SHC3: variants seen among roughly 807,000 people sequenced by gnomAD.
SHC3 encodes the protein SHC-transforming protein 3.
Under a neutral mutation model 60.4 loss-of-function variants are expected in SHC3, and 15 were observed. The observed-to-expected ratio is 0.25, with a 90% CI of 0.17 to 0.38. SHC3 has a LOEUF of 0.38. Among genes scored for constraint, SHC3 ranks in the 10% least tolerant of loss-of-function variants. The pLI is 1.00. For missense variants in SHC3, 677 were observed against 786.1 expected (o/e 0.86, Z 1.66); for synonymous variants, 294 against 325.9 (o/e 0.90, Z 1.05).
Position 89,167,432 on chromosome 9 carries a change from C to T in SHC3, c.474+10555G>A, listed in dbSNP as rs187646595. Reference sequence around the variant, plus strand: ...CCAAGGAAGGGGAGAGGCGGGCTGACCAAGCAAGGGGTACCATGATCCCAT... The same window carrying T: ...CCAAGGAAGGGGAGAGGCGGGCTGATCAAGCAAGGGGTACCATGATCCCAT... On this transcript the variant is annotated intron_variant, in intron 1 of 11. Coordinates refer to ENST00000375835, the MANE Select transcript of SHC3 (RefSeq NM_016848.6). 4.6e-5 allele frequency among the ~76,000 whole-genome samples: 7 copies of T among 152,248 alleles called. No individual in the cohort carries two copies. In the East Asian group the frequency reaches 1.4e-3, roughly 29 times the overall value.
intron 6 of SHC3, among the ~76,000 whole-genome samples, chr9:89,065,138 C>T (rs138628446): frequency 6.6e-6 from 1 of 152,292 alleles, no homozygotes; most frequent in Non-Finnish European, 1.5e-5. Flanking sequence ...ACCTCTAGGG[C>T]TGGCAGGGCA....
chr9:89,067,347 C>T (rs1825200216), intron 5 of SHC3, among the ~76,000 whole-genome samples: 1 of 152,206 alleles, frequency 6.6e-6, no homozygotes, highest in South Asian at 2.1e-4. Flanking sequence ...GTGTCTTCTC[C>T]AGTGTTTGAG....
intron 7 of SHC3, among the ~76,000 whole-genome samples, chr9:89,050,293 T>C (rs1396882144): frequency 1.3e-5 from 2 of 152,202 alleles, no homozygotes; most frequent in African/African-American, 2.4e-5. Flanking sequence ...TGTTTGTGTG[T>C]TTGATTTTCT....
chr9:89,051,244 A>C (rs1419924937), intron 7 of SHC3, among the ~76,000 whole-genome samples: 1 of 152,250 alleles, frequency 6.6e-6, no homozygotes, highest in Non-Finnish European at 1.5e-5. Flanking sequence ...TAGCGATCAC[A>C]ACATTAGAAT....
intron 2 of SHC3, among the ~76,000 whole-genome samples, chr9:89,105,105 T>C (rs1267477848): frequency 6.6e-6 from 1 of 152,174 alleles, no homozygotes; most frequent in East Asian, 1.9e-4. Context: ...ACTCATTTTC[T>C]TTGTACCCTG....
At chr9:89,161,027 T>C (rs1275003651) in intron 1 of SHC3, among the ~76,000 whole-genome samples, 2 of 152,178 alleles carry the variant, frequency 1.3e-5, no homozygotes, top group East Asian at 3.8e-4. Context: ...GCTGCTCCCA[T>C]TCCTCTGTCG....
intron 3 of SHC3, among the ~76,000 whole-genome samples, chr9:89,076,732 G>A (rs1031549276): frequency 3.3e-5 from 5 of 152,116 alleles, no homozygotes; most frequent in South Asian, 2.1e-4. Context: ...TCTGTAATAC[G>A]GGGATATCCA....
intron 1 of SHC3, among the ~76,000 whole-genome samples, chr9:89,147,494 C>T (rs1240462552): frequency 2.0e-5 from 3 of 151,694 alleles, no homozygotes; most frequent in African/African-American, 7.3e-5. Flanking sequence ...TTTTTTCCTT[C>T]CCTCCCTCCC....
intron 1 of SHC3, among the ~76,000 whole-genome samples, chr9:89,140,752 C>T (rs1285932014): frequency 6.6e-6 from 1 of 152,120 alleles, no homozygotes; most frequent in Non-Finnish European, 1.5e-5. Flanking sequence ...GGGTCCGTGG[C>T]ACTTCCTCTG....
Position 89,022,846 on chromosome 9 carries a change from C to T in SHC3, c.1657-9271G>A, listed in dbSNP as rs143700151. The stretch of plus-strand genomic sequence containing the variant: ...GTCTCATCCTTACCCCGAAGCCTGC[C>T]CTGAATTCTCTTACGGTGTACTGTC... On this transcript the variant is annotated intron_variant, in intron 11 of 11. Transcript: ENST00000375835. Among the ~76,000 whole-genome samples, 871 of 152,270 alleles carry T rather than the reference C, an allele frequency of 5.7e-3. 4 individuals carry two copies. Among genetic ancestry groups the T allele is most frequent in the South Asian group, 9.3e-3 (45 of 4,820 alleles).
rs149961257 is a variant in SHC3, at chr9:89,155,412, G to A, written c.474+22575C>T. 1.4e-3 allele frequency among the ~76,000 whole-genome samples: 207 copies of A among 152,238 alleles called. 1 individual carries two copies. The highest frequency in any genetic ancestry group is 6.8e-3 in the Middle Eastern group (2 of 294). ...AGAAGTTCAGTTGTCTCTGAAGCCT[G>A]GGCAAGAATGATGGTCTTGGGGGTC... On this transcript the variant is annotated intron_variant, in intron 1 of 11. Transcript: ENST00000375835.
chr9:89,092,036 C>T (rs1338976215), intron 2 of SHC3, among the ~76,000 whole-genome samples: 1 of 152,160 alleles, frequency 6.6e-6, no homozygotes, highest in Non-Finnish European at 1.5e-5. Context: ...TATGCAAAAA[C>T]ACTCAAAGGA....
chr9:89,075,149 G>C lies in SHC3; in HGVS notation c.689C>G (p.Ser230Cys), dbSNP rs1302296818. Residue 230 changes from serine (S) to cysteine (C), a missense_variant, in exon 4 of 12, where the codon TCC (serine) becomes TGC (cysteine). Ser to Cys is a moderately radical substitution (Grantham distance 112, BLOSUM62 -1). Transcript: ENST00000375835. ...AGTTCGCAGGTTCAGACTGGCCGTG[G>C]AGATGGTCAGAGAGATGCTCATTCC... ...FAGMSISLTI[S>C]TASLNLRTPD... The C allele has an allele frequency of 6.2e-7, 1 of 1,614,110 alleles. No individual in the cohort carries two copies. The highest frequency in any genetic ancestry group is 1.3e-5 in the African/African-American group (1 of 75,034).
chr9:89,105,501 T>C (rs1825846269), intron 2 of SHC3, among the ~76,000 whole-genome samples: 1 of 152,222 alleles, frequency 6.6e-6, no homozygotes, highest in Non-Finnish European at 1.5e-5. Context: ...TCTATAAAAA[T>C]GGCATGTTCA....
Position 89,013,081 on chromosome 9 carries a change from G to A in SHC3, c.*366C>T, listed in dbSNP as rs1185663484. The stretch of plus-strand genomic sequence containing the variant: ...AACTGCAGGCTACACCTTCCTAGTG[G>A]CATTTCCCGGTGGGATGGGTCAGTT... On this transcript the variant is annotated 3_prime_UTR_variant, in exon 12 of 12. Coordinates refer to ENST00000375835, the MANE Select transcript of SHC3 (RefSeq NM_016848.6). 6 of 155,986 alleles carry A rather than the reference G, an allele frequency of 3.8e-5. No individual in the cohort carries two copies. The highest frequency in any genetic ancestry group is 8.4e-5 in the Non-Finnish European group (6 of 71,312). The allele number at this position is 155,986 out of a possible 1,614,324, so 9.7% of individuals were successfully genotyped here.
chr9:89,089,922 T>C (rs1191561627), intron 2 of SHC3, among the ~76,000 whole-genome samples: 3 of 152,192 alleles, frequency 2.0e-5, no homozygotes, highest in African/African-American at 7.2e-5. Flanking sequence ...CCCAGAGGCC[T>C]GCCGGGCAGG....
At chr9:89,017,343 A>G (rs1826114590) in intron 11 of SHC3, among the ~76,000 whole-genome samples, 2 of 152,140 alleles carry the variant, frequency 1.3e-5, no homozygotes, top group African/African-American at 4.8e-5. Context: ...AAATAACACC[A>G]CACATCTACA....
At chr9:89,113,789 A>G (rs1282166368) in intron 1 of SHC3, among the ~76,000 whole-genome samples, 3 of 152,248 alleles carry the variant, frequency 2.0e-5, no homozygotes, top group African/African-American at 7.2e-5. Flanking sequence ...CTGTGGCAGC[A>G]TTAAGAGAAT....
intron 2 of SHC3, among the ~76,000 whole-genome samples, chr9:89,111,344 T>G (rs190203677): frequency 1.4e-3 from 213 of 152,342 alleles, no homozygotes; most frequent in Middle Eastern, 0.01. Flanking sequence ...CACAGTGTTC[T>G]GCCCACCGTG....
Sources: gnomAD v4.1 joint callset for allele counts (sites outside exome capture counted in the v4.1 genomes callset) on GRCh38, gnomAD v4.1.1 for gene constraint, MANE v1.5 for transcripts, NCBI Gene and HGNC (gene_info 2026-07-23, HGNC 2026-07-21) for gene names.